Variants in CFAP299 observed in about 807,000 individuals in gnomAD.
CFAP299 encodes cilia and flagella associated protein 299.
A neutral mutation model predicts 27.0 loss-of-function variants in CFAP299; 21 were observed. The ratio of observed to expected loss-of-function variants is 0.78; its 90% CI spans 0.55 to 1.12. The LOEUF (loss-of-function observed/expected upper bound fraction) is 1.12. Among genes scored for constraint, CFAP299 ranks in the 50% most tolerant of loss-of-function variants. The pLI, the probability that CFAP299 is intolerant of heterozygous loss-of-function variation, is 0.00. For missense variants in CFAP299, 310 were observed against 276.6 expected (o/e 1.12, Z -0.86); for synonymous variants, 104 against 98.1 (o/e 1.06, Z -0.36).
intron 3 of CFAP299, among the ~76,000 whole-genome samples, chr4:80,770,658 T>C (rs1726159848): frequency 6.6e-6 from 1 of 152,226 alleles, no homozygotes; most frequent in South Asian, 2.1e-4. Context: ...AATTTTACTT[T>C]GTCTTTCCTT....
At chr4:80,591,817 A>G (rs1479261102) in intron 3 of CFAP299, among the ~76,000 whole-genome samples, 3 of 152,220 alleles carry the variant, frequency 2.0e-5, no homozygotes, top group Non-Finnish European at 4.4e-5. Context: ...ATTTCAATAA[A>G]TCCTCCATTT....
Position 80,343,387 on chromosome 4 carries a change from C to G in CFAP299, c.111+7508C>G, listed in dbSNP as rs183580178. 9.2e-4 allele frequency among the ~76,000 whole-genome samples: 140 copies of G among 152,356 alleles called. 2 individuals are homozygous for G. The highest frequency in any genetic ancestry group is 3.2e-3 in the African/African-American group (135 of 41,584). On this transcript the variant is annotated intron_variant, in intron 1 of 5. Coordinates refer to ENST00000358105, the MANE Select transcript of CFAP299 (RefSeq NM_152770.3). ...AGAATATACATTCTTCTCATTGTCA[C>G]ATGGCACTTACCCTAAAATTGATCA...
intron 2 of CFAP299, among the ~76,000 whole-genome samples, chr4:80,538,878 C>A (rs1248791842): frequency 2.0e-5 from 3 of 152,168 alleles, no homozygotes; most frequent in African/African-American, 4.8e-5. Flanking sequence ...AATGCTACAT[C>A]TTCCCCAACT....
At chr4:80,552,989 A>G (rs749427520) in intron 2 of CFAP299, among the ~76,000 whole-genome samples, 3 of 151,986 alleles carry the variant, frequency 2.0e-5, no homozygotes, top group Non-Finnish European at 4.4e-5. Context: ...CACATAGCCA[A>G]TAGGTTTATT....
intron 2 of CFAP299, among the ~76,000 whole-genome samples, chr4:80,541,092 G>A (rs182831928): frequency 6.1e-4 from 92 of 151,864 alleles, no homozygotes; most frequent in Non-Finnish European, 1.0e-3. Context: ...TATATTTTTC[G>A]TTTTACAAGA....
intron 3 of CFAP299, among the ~76,000 whole-genome samples, chr4:80,681,846 T>C (rs1560695148): frequency 6.6e-6 from 1 of 152,174 alleles, no homozygotes; most frequent in Non-Finnish European, 1.5e-5. Context: ...GAAGGGCTAT[T>C]TTTATGTCTA....
intron 3 of CFAP299, among the ~76,000 whole-genome samples, chr4:80,600,614 T>C (rs1407631175): frequency 6.6e-6 from 1 of 152,184 alleles, no homozygotes; most frequent in East Asian, 1.9e-4. Flanking sequence ...CATCAGTTTG[T>C]ACTGTAGCTA....
At chr4:80,684,908 G>A (rs1056774859) in intron 3 of CFAP299, among the ~76,000 whole-genome samples, 53 of 151,892 alleles carry the variant, frequency 3.5e-4, no homozygotes, top group African/African-American at 1.2e-3. Flanking sequence ...TGTATATTAT[G>A]TTTGTCCCCA....
intron 3 of CFAP299, among the ~76,000 whole-genome samples, chr4:80,791,272 T>A (rs1165620709): frequency 6.6e-6 from 1 of 152,048 alleles, no homozygotes; most frequent in East Asian, 1.9e-4. Flanking sequence ...ATCTGTGGTC[T>A]TTAAGGTCAT....
chr4:80,745,645 A>G (rs7656916), intron 3 of CFAP299, among the ~76,000 whole-genome samples: 35,018 of 151,988 alleles, frequency 0.23, 5,788 homozygotes, highest in African/African-American at 0.47. Context: ...TAATATCTTA[A>G]TATGATACAT....
chr4:80,892,459 G>T (rs1578217718), intron 4 of CFAP299, among the ~76,000 whole-genome samples: 1 of 152,086 alleles, frequency 6.6e-6, no homozygotes, highest in East Asian at 1.9e-4. Flanking sequence ...AAAATTTCTT[G>T]AGTAATACCC....
chr4:80,505,658 A>G (rs1268614501), intron 2 of CFAP299, among the ~76,000 whole-genome samples: 1 of 152,216 alleles, frequency 6.6e-6, no homozygotes, highest in Non-Finnish European at 1.5e-5. Context: ...TGTATGTGTG[A>G]ACTTAAAATA....
rs181354284 is a variant in CFAP299 at position 80,471,895 on chromosome 4, G to A, written c.242+109011G>A. Among the ~76,000 whole-genome samples, 44 of 152,262 alleles carry A rather than the reference G, an allele frequency of 2.9e-4. 1 individual carries two copies. The highest frequency in any genetic ancestry group is 8.5e-4 in the Admixed American group (13 of 15,304). On this transcript the variant is annotated intron_variant, in intron 2 of 5. Transcript: ENST00000358105. ...TGAGGCCTTGGCAGCACTGACCCGC[G>A]GCCATCCTTCACTCGCAGCTTTCGG... is the stretch of plus-strand genomic sequence containing the variant.
chr4:80,324,337 TA>T, the CFAP299 span, among the ~76,000 whole-genome samples: 1 of 152,228 alleles, frequency 6.6e-6, no homozygotes, highest in Admixed American at 6.5e-5. Context: ...GGGCAGTTAT[TA>T]TCAAAGCCTC....
At chr4:80,746,592 G>A (rs1053307043) in intron 3 of CFAP299, among the ~76,000 whole-genome samples, 4 of 151,962 alleles carry the variant, frequency 2.6e-5, no homozygotes, top group Non-Finnish European at 5.9e-5. Context: ...GTATGAATCA[G>A]GTTGACGTAA....
intron 2 of CFAP299, among the ~76,000 whole-genome samples, chr4:80,451,452 A>G (rs540064914): frequency 6.6e-6 from 1 of 152,222 alleles, no homozygotes; most frequent in South Asian, 2.1e-4. Context: ...ATAGGGGTCT[A>G]TCAGTGCAAC....
chr4:80,326,543 A>G, the CFAP299 span, among the ~76,000 whole-genome samples: 3 of 152,220 alleles, frequency 2.0e-5, no homozygotes, highest in Non-Finnish European at 4.4e-5. Context: ...AGAAATGATG[A>G]TAATGAGCCA....
At chr4:80,852,278 C>T (rs533491013) in intron 3 of CFAP299, among the ~76,000 whole-genome samples, 1 of 152,224 alleles carries the variant, frequency 6.6e-6, no homozygotes, top group East Asian at 1.9e-4. Flanking sequence ...GTTAAAAATG[C>T]AAATTCTTGG....
intron 3 of CFAP299, among the ~76,000 whole-genome samples, chr4:80,675,241 T>C (rs1719361492): frequency 6.6e-6 from 1 of 152,198 alleles, no homozygotes; most frequent in Non-Finnish European, 1.5e-5. Context: ...GTTGCTGCTA[T>C]TCCTTTCTGT....
Sources: gnomAD v4.1 joint callset for allele counts (sites outside exome capture counted in the v4.1 genomes callset) on GRCh38, gnomAD v4.1.1 for gene constraint, MANE v1.5 for transcripts, NCBI Gene and HGNC (gene_info 2026-07-23, HGNC 2026-07-21) for gene names.